The following NOC4L variants were observed in gnomAD, a reference collection of about 807,000 sequenced individuals.
NOC4L encodes nucleolar complex protein 4 homolog.
Under a neutral mutation model 62.8 loss-of-function variants are expected in NOC4L, and 40 were observed. That is an observed-to-expected ratio of 0.64 (90% CI 0.49 to 0.83). The LOEUF is 0.83. Ranked by LOEUF, NOC4L falls within the 40% of genes least tolerant of loss-of-function variation. The pLI is 0.00. For missense variants in NOC4L, 927 were observed against 701.9 expected, an observed-to-expected ratio of 1.32 and a Z score of -3.62; for synonymous variants, 433 against 299.8, an observed-to-expected ratio of 1.44 and a Z score of -4.59.
At position 132,144,927 on chromosome 12, in the gene NOC4L, G is replaced by A. The variant is rs774444277; in HGVS notation, c.191G>A (p.Gly64Glu). 18 of 1,601,562 alleles carry A rather than the reference G, an allele frequency of 1.1e-5. No individual in the cohort carries two copies. Among genetic ancestry groups the A allele is most frequent in the Non-Finnish European group, 1.4e-5 (16 of 1,175,208 alleles). ...CTTTTCGGGGCCTTGCTGGAGCGGG[G>A]AGAGCTGTTTGTGGGCCAGCTGCCC... is the stretch of plus-strand genomic sequence containing the variant. ...SRLFGALLER[G>E]ELFVGQLPSE... The change falls in exon 2 of 15, where the codon GGA (glycine) becomes GAA (glutamate). Residue 64 changes from glycine to glutamate, a missense_variant. Coordinates refer to ENST00000330579, the MANE Select transcript of NOC4L (RefSeq NM_024078.3).
In NOC4L at chr12:132,144,850, G is replaced by A. The variant is rs774726068; in HGVS notation, c.118-4G>A. On this transcript the variant is annotated splice_region_variant and splice_polypyrimidine_tract_variant and intron_variant, in intron 1 of 14. Transcript: ENST00000330579. ...CGGGCACCCTGCCGCCGCCTCTCCT[G>A]CAGTCTGAGGACCAGGAGGAGATCC... is the stretch of plus-strand genomic sequence containing the variant. 2.5e-6 allele frequency: 4 copies of A among 1,599,054 alleles called. No individual in the cohort carries two copies. The highest frequency in any genetic ancestry group is 2.3e-5 in the South Asian group (2 of 88,582).
Position 132,148,735 on chromosome 12 carries a change from C to T in NOC4L, c.790-49C>T, listed in dbSNP as rs778620262. On this transcript the variant is annotated intron_variant, in intron 8 of 14. Coordinates refer to ENST00000330579, the MANE Select transcript of NOC4L (RefSeq NM_024078.3). ...GGGCGGAGGCCTCACCCCGACCCGC[C>T]GGCCCCCGCCCACCCGCCCCTCACC... 429 of 1,309,360 alleles carry T rather than the reference C, an allele frequency of 3.3e-4. 2 individuals are homozygous for T. The Middle Eastern group carries it at 7.7e-3, about 23-fold the overall frequency. The allele number at this position is 1,309,360 out of a possible 1,614,324, so 81.1% of individuals were successfully genotyped here. A position where few individuals can be genotyped will look rare whatever the true frequency, so the allele number is the denominator to read the frequency against.
rs375873876 is a variant in NOC4L, at chr12:132,147,367, G to T, written c.432G>T (p.Leu144=). Residue 144 remains leucine, a synonymous_variant, in exon 4 of 15, where the codon CTG becomes CTT. Coordinates refer to ENST00000330579, the MANE Select transcript of NOC4L (RefSeq NM_024078.3). ...LEKSKWEGNY[L]FPRELFKLVV... Reference sequence around the variant, plus strand: ...AGTCCAAGTGGGAAGGCAACTACCTGTTCCCCCGAGAGCTCTTCAAGGTGA... The same window carrying T: ...AGTCCAAGTGGGAAGGCAACTACCTTTTCCCCCGAGAGCTCTTCAAGGTGA... 6.3e-7 allele frequency: 1 copy of T among 1,595,288 alleles called. No individual in the cohort carries two copies. The highest frequency in any genetic ancestry group is 8.5e-7 in the Non-Finnish European group (1 of 1,170,636).
intron 3 of NOC4L, among the ~76,000 whole-genome samples, chr12:132,146,902 G>A (rs1235491056): frequency 1.3e-5 from 2 of 152,144 alleles, no homozygotes; most frequent in Non-Finnish European, 2.9e-5. Flanking sequence ...CCAAGCCTGG[G>A]TCTGAGTTGG....
intron 3 of NOC4L, 96 bp downstream of exon 3, chr12:132,145,761 A>G (rs1011893006): frequency 6.2e-6 from 5 of 809,946 alleles, no homozygotes; most frequent in East Asian, 2.6e-5. Flanking sequence ...ACAATTGTCC[A>G]GGCAAAGCTG....
chr12:132,151,688 G>T (rs1872955919), intron 12 of NOC4L, 44 bp downstream of exon 12: 1 of 1,611,824 alleles, frequency 6.2e-7, no homozygotes, highest in African/African-American at 1.3e-5. Context: ...GCTGGGGCGG[G>T]GGTGCCTGGT....
At chr12:132,151,855 G>C in intron 13 of NOC4L, 35 bp downstream of exon 13, 1 of 1,594,238 alleles carries the variant, frequency 6.3e-7, no homozygotes, top group Non-Finnish European at 8.6e-7. Flanking sequence ...GGGGCCTCCC[G>C]AGCCATCCTT....
chr12:132,147,820 G>A (rs763526045), intron 5 of NOC4L, 38 bp downstream of exon 5: 3 of 1,610,988 alleles, frequency 1.9e-6, no homozygotes, highest in Non-Finnish European at 2.5e-6. Context: ...TCATGCTGTT[G>A]CCTCCCAGGG....
rs370136494 is a variant in NOC4L, at chr12:132,151,087, C to T, written c.962+46C>T. On this transcript the variant is annotated intron_variant, in intron 10 of 14. Transcript: ENST00000330579. The stretch of plus-strand genomic sequence containing the variant: ...AGGTCTTCTTCCCAGTCTGCCCAGC[C>T]CTGCTCCTCTGTCCCCTTCCCACCC... The T allele has an allele frequency of 3.8e-5, 59 of 1,555,512 alleles. 1 individual carries two copies. In the Middle Eastern group the frequency reaches 8.5e-4, roughly 22 times the overall value.
At position 132,144,860 on chromosome 12, in the gene NOC4L, G is replaced by A. The variant is rs2136684004; in HGVS notation, c.124G>A (p.Asp42Asn). 1 of 1,600,826 alleles carries A rather than the reference G, an allele frequency of 6.2e-7. No individual in the cohort carries two copies. ...GCCGCCGCCTCTCCTGCAGTCTGAG[G>A]ACCAGGAGGAGATCCAGGAAGCAGT... The part of the protein sequence containing the change: ...FDILAVLQSE[D>N]QEEIQEAVRT... Residue 42 changes from aspartate to asparagine, a missense_variant, in exon 2 of 15, where the codon GAC (aspartate) becomes AAC (asparagine). Transcript: ENST00000330579.
Position 132,152,171 on chromosome 12 carries a change from C to T in NOC4L, c.1405C>T (p.Pro469Ser), listed in dbSNP as rs1271257759. Residue 469 changes from proline to serine, a missense_variant, in exon 14 of 15, where the codon CCA (proline) becomes TCA (serine). Physicochemically the swap from Pro to Ser is moderately conservative, Grantham distance 74 (BLOSUM62 -1). Coordinates refer to ENST00000330579, the MANE Select transcript of NOC4L (RefSeq NM_024078.3). ...GTCCATGCCTGAGGTCAGCATCGCGCCACTGCTGGAGCTCACGGCCTACGA... is the reference window on the plus strand; with the variant it reads ...GTCCATGCCTGAGGTCAGCATCGCGTCACTGCTGGAGCTCACGGCCTACGA... ...ALSMPEVSIA[P>S]LLELTAYEIF... 1 of 1,612,236 alleles carries T rather than the reference C, an allele frequency of 6.2e-7. No individual in the cohort carries two copies. Among genetic ancestry groups the T allele is most frequent in the African/African-American group, 1.3e-5 (1 of 75,064 alleles).
Position 132,148,676 on chromosome 12 carries a change from G to A in NOC4L, c.789+17G>A. ...AAGCACAAGGTAGGGGCCAGGCCGG[G>A]GAGGGGGCGGGGGCGGCATCCGGGT... On this transcript the variant is annotated intron_variant, in intron 8 of 14. Coordinates refer to ENST00000330579, the MANE Select transcript of NOC4L (RefSeq NM_024078.3). 6.5e-7 allele frequency: 1 copy of A among 1,542,666 alleles called. No individual in the cohort carries two copies. Among genetic ancestry groups the A allele is most frequent in the South Asian group, 1.2e-5 (1 of 83,598 alleles).
chr12:132,147,915 GCTGT>G lies in NOC4L; in HGVS notation c.643_646del (p.Ser215ProfsTer2). 6.2e-7 allele frequency: 1 copy of G among 1,603,884 alleles called. No homozygotes were observed. Among genetic ancestry groups the G allele is most frequent in the Non-Finnish European group, 8.5e-7 (1 of 1,176,254 alleles). On this transcript the variant is annotated frameshift_variant, in exon 6 of 15. Transcript: ENST00000330579. LOFTEE classifies it high-confidence loss of function. ...CCTTTTGGAACAATGCCTTCACGCT[GCTGT>G]CTGCCGTGAGCCTGCCCCGCCGGGA...
chr12:132,148,160 G>A lies in NOC4L; in HGVS notation c.738+54G>A, dbSNP rs973914962. The stretch of plus-strand genomic sequence containing the variant: ...CTCCCGGGTTTGGGGGTGTGTGTGG[G>A]GTGCATGTGAGACCCCATGGAGGCT... On this transcript the variant is annotated intron_variant, in intron 7 of 14. Coordinates refer to ENST00000330579, the MANE Select transcript of NOC4L (RefSeq NM_024078.3). 5 of 1,591,078 alleles carry A rather than the reference G, an allele frequency of 3.1e-6. No homozygotes were observed. The African/African-American group carries it at 6.7e-5, about 21-fold the overall frequency.
intron 3 of NOC4L, among the ~76,000 whole-genome samples, 194 bp from the exon 4 acceptor site, chr12:132,147,087 T>G (rs1897752390): frequency 1.3e-5 from 2 of 152,182 alleles, no homozygotes. Flanking sequence ...TAACTAGAGA[T>G]CTTGTCATCT....
rs762266021 is a variant in NOC4L at position 132,147,716 on chromosome 12, C to T, written c.537C>T (p.Asp179=). The T allele has an allele frequency of 5.6e-6, 9 of 1,612,894 alleles. No homozygotes were observed. Among genetic ancestry groups the T allele is most frequent in the South Asian group, 1.1e-5 (1 of 91,084 alleles). The change falls in exon 5 of 15, where the codon GAC becomes GAT. Residue 179 remains aspartate, a synonymous_variant. Transcript: ENST00000330579. ...TCCGGGAGTACCTGGACTACGACGA[C>T]ACCCGCTACCACACCATGCAGGCAG... ...SQFREYLDYD[D]TRYHTMQAAV... is the part of the protein sequence containing the mutation.
chr12:132,150,926 G>T lies in NOC4L; in HGVS notation c.902-55G>T, dbSNP rs560043010. 3.3e-4 allele frequency: 433 copies of T among 1,316,140 alleles called. 5 individuals are homozygous for T. The South Asian group carries it at 5.3e-3, about 16-fold the overall frequency. The allele number at this position is 1,316,140 out of a possible 1,614,324, so 81.5% of individuals were successfully genotyped here. On this transcript the variant is annotated intron_variant, in intron 9 of 14. Coordinates refer to ENST00000330579, the MANE Select transcript of NOC4L (RefSeq NM_024078.3). The stretch of plus-strand genomic sequence containing the variant: ...CAGACTTACACTCAGTGTGGGCAGG[G>T]GGTAGGGTGGGAGCGAGGTCACTGC...
intron 2 of NOC4L, 84 bp downstream of exon 2, chr12:132,145,058 A>G: frequency 1.4e-6 from 2 of 1,479,506 alleles, no homozygotes; most frequent in Non-Finnish European, 1.8e-6. Flanking sequence ...AGCGCCCCCA[A>G]CCCTGGCACA....
intron 3 of NOC4L, among the ~76,000 whole-genome samples, chr12:132,146,885 A>G (rs1897745733): frequency 6.6e-6 from 1 of 151,996 alleles, no homozygotes; most frequent in Non-Finnish European, 1.5e-5. Flanking sequence ...CCCCGAGATG[A>G]GAGCTTCCAA....
Sources: allele counts gnomAD v4.1 joint callset (sites outside exome capture counted in the v4.1 genomes callset), GRCh38; gene constraint gnomAD v4.1.1; transcripts MANE v1.5; gene names NCBI Gene and HGNC (gene_info 2026-07-23, HGNC 2026-07-21).